The following SOD2 variants were observed in gnomAD, a reference collection of about 807,000 sequenced individuals.
The protein encoded by SOD2 is superoxide dismutase 2, also known as superoxide dismutase [Mn], mitochondrial.
SOD2 carries 11 observed loss-of-function variants against 27.0 expected under a neutral mutation model. That is an observed-to-expected ratio of 0.41 (90% CI 0.26 to 0.67). SOD2 has a LOEUF of 0.67. SOD2 is among the 30% of genes least tolerant of loss of function. The probability of loss-of-function intolerance (pLI) is 0.34; values close to 1 mark genes in which losing one functional copy is unlikely to be tolerated. For synonymous variants in SOD2, 105 were observed against 103.0 expected, an observed-to-expected ratio of 1.02 and a Z score of -0.12; for missense variants, 250 against 274.5, an observed-to-expected ratio of 0.91 and a Z score of 0.63.
intron 4 of SOD2, among the ~76,000 whole-genome samples, chr6:159,684,357 C>G (rs1780088641): frequency 6.6e-6 from 1 of 152,090 alleles, no homozygotes; most frequent in South Asian, 2.1e-4. Context: ...GTGGCTCATG[C>G]CTGTAATCCC....
At chr6:159,712,792 G>T (rs1777852789) in intron 1 of SOD2, 4 of 528,664 alleles carry the variant, frequency 7.6e-6, no homozygotes, top group Non-Finnish European at 1.1e-5. Flanking sequence ...TAACTAGACT[G>T]GTTGGGTAAG....
upstream of SOD2, chr6:159,727,374 T>TGGAGGCGGGA: frequency 9.7e-7 from 1 of 1,032,512 alleles, no homozygotes; most frequent in South Asian, 1.6e-5. Context: ...GCGGGGAGGC[T>TGGAGGCGGGA]GGCGGGAGGC....
chr6:159,738,766 C>T (rs759730762), intron 1 of SOD2, among the ~76,000 whole-genome samples: 1 of 151,780 alleles, frequency 6.6e-6, no homozygotes, highest in African/African-American at 2.4e-5. Flanking sequence ...GTGGTGATAC[C>T]TGGGGTTTTA....
intron 1 of SOD2, among the ~76,000 whole-genome samples, chr6:159,723,190 C>T (rs1202577102): frequency 1.3e-5 from 2 of 152,206 alleles, no homozygotes; most frequent in Non-Finnish European, 2.9e-5. Flanking sequence ...TTGCTTTTCT[C>T]ATTTGGTTTG....
intron 1 of SOD2, chr6:159,755,776 T>A: frequency 2.9e-6 from 3 of 1,028,844 alleles, no homozygotes; most frequent in Non-Finnish European, 3.7e-6. Flanking sequence ...TTTTTTTTTT[T>A]TTTTTTTTTT....
At chr6:159,745,703 A>G (rs770803075), upstream of SOD2, among the ~76,000 whole-genome samples, 2 of 152,196 alleles carry the variant, frequency 1.3e-5, no homozygotes, top group East Asian at 3.9e-4. Flanking sequence ...GTGATGGATC[A>G]GATTTAGATT....
chr6:159,678,161 G>A lies in SOD2; in HGVS notation c.*4332C>T, dbSNP rs115011351. The A allele has an allele frequency of 8.2e-3, 1,245 of 152,330 alleles. 18 individuals carry two copies. The highest frequency in any genetic ancestry group is 0.028 in the African/African-American group (1,178 of 41,554). 9.4% of individuals were successfully genotyped at this position (152,330 alleles called of 1,614,324 possible). ...CTGATGACGTGGAGAGAGCATGAAAGCTCCATACCCCTTCCCACATGCCTT... is the reference window on the plus strand; with the variant it reads ...CTGATGACGTGGAGAGAGCATGAAAACTCCATACCCCTTCCCACATGCCTT... On this transcript the variant is annotated 3_prime_UTR_variant, in exon 5 of 5. Coordinates refer to ENST00000538183, the MANE Select transcript of SOD2 (RefSeq NM_000636.4).
chr6:159,692,964 C>T (rs952735973), intron 1 of SOD2, 101 bp from the exon 2 acceptor site: 17 of 1,356,552 alleles, frequency 1.3e-5, no homozygotes, highest in Non-Finnish European at 1.6e-5. Flanking sequence ...CCCGAGTCCC[C>T]GCGTCCCCTC....
rs2114794197 is a variant in SOD2, at chr6:159,692,826, C to T, written c.61G>A (p.Gly21Ser). ...RQLAPVLGYL[G>S]SRQKHSLPDL... ...GGGAGGCTGTGCTTCTGCCTGGAGC[C>T]CAGATACCCCAAAACCGGAGCCAGC... Residue 21 changes from glycine to serine, a missense_variant, in exon 2 of 5, where the codon GGC becomes AGC. By Grantham distance (56) the Gly-to-Ser change is moderately conservative (BLOSUM62 0). Transcript: ENST00000538183. 1 of 1,613,428 alleles carries T rather than the reference C, an allele frequency of 6.2e-7. No homozygotes were observed. Among genetic ancestry groups the T allele is most frequent in the Middle Eastern group, 1.7e-4 (1 of 6,058 alleles).
rs1780052844 is a variant in SOD2 at position 159,758,200 on chromosome 6, TTTTG to T, written c.-336+2833_-336+2836del. The stretch of plus-strand genomic sequence containing the variant: ...TGTATCCTCGAGGCTCGATATTTTG[TTTTG>T]TTTTTCTCCCCTGTAAGAGCACTCA... On this transcript the variant is annotated intron_variant, in intron 1 of 7. Transcript: ENST00000546087. Among the ~76,000 whole-genome samples the T allele has an allele frequency of 2.6e-5, 4 of 152,116 alleles. No homozygotes were observed. The South Asian group carries it at 6.2e-4, about 24-fold the overall frequency.
At chr6:159,690,284 C>CAAAA (rs11429489) in intron 2 of SOD2, among the ~76,000 whole-genome samples, 2 of 67,018 alleles carry the variant, frequency 3.0e-5, no homozygotes, top group Non-Finnish European at 5.6e-5. Context: ...GAGATTCCGT[C>CAAAA]AAAAAAAAAA....
In SOD2 at chr6:159,738,032, CTG is replaced by C. The variant is rs544079768; in HGVS notation, c.-116+7096_-116+7097del. On this transcript the variant is annotated intron_variant, in intron 1 of 3. Coordinates refer to the SOD2 transcript ENST00000537657. ...CGTGACTAGCAGACATCTCTAATAA[CTG>C]TGAAAATCAGGGAATTGACATTGGT... Among the ~76,000 whole-genome samples, 29 of 152,332 alleles carry C rather than the reference CTG, an allele frequency of 1.9e-4. 2 individuals are homozygous for C. The highest frequency in any genetic ancestry group is 1.0e-4 in the Non-Finnish European group (7 of 68,036).
chr6:159,721,687 T>C (rs1392809031), intron 1 of SOD2, among the ~76,000 whole-genome samples: 1 of 145,274 alleles, frequency 6.9e-6, no homozygotes, highest in East Asian at 2.0e-4. Flanking sequence ...TTTTTTTTTT[T>C]TTTTTTTTTT....
intron 1 of SOD2, among the ~76,000 whole-genome samples, chr6:159,719,569 T>C (rs1286008482): frequency 7.0e-6 from 1 of 142,568 alleles, no homozygotes; most frequent in African/African-American, 2.7e-5. Context: ...GAGTCTGCAG[T>C]GAGCCAAGAT....
At chr6:159,695,523 T>A (rs1326766365), upstream of SOD2, among the ~76,000 whole-genome samples, 1 of 152,122 alleles carries the variant, frequency 6.6e-6, no homozygotes, top group African/African-American at 2.4e-5. Flanking sequence ...CTCCGTTTTC[T>A]TTTTCTTTTT....
intron 1 of SOD2, among the ~76,000 whole-genome samples, chr6:159,709,301 A>G (rs1160785760): frequency 6.6e-6 from 1 of 152,198 alleles, no homozygotes; most frequent in African/African-American, 2.4e-5. Context: ...CTGCACAGCA[A>G]AAAAAACTAC....
intron 1 of SOD2, among the ~76,000 whole-genome samples, chr6:159,702,654 CAAAAAAAAAAAAAAAAA>C (rs750073120): frequency 5.0e-5 from 2 of 39,834 alleles, no homozygotes; most frequent in Admixed American, 3.4e-4. Flanking sequence ...TCTATCTCTC[CAAAAAAAAAAAAAAAAA>C]AAAAAAAAGA....
intron 1 of SOD2, among the ~76,000 whole-genome samples, chr6:159,738,768 G>C (rs1441353082): frequency 6.6e-6 from 1 of 151,926 alleles, no homozygotes; most frequent in Admixed American, 6.6e-5. Flanking sequence ...GGTGATACCT[G>C]GGGTTTTAAT....
At chr6:159,755,364 A>G (rs182878946) in intron 1 of SOD2, 2 of 1,614,234 alleles carry the variant, frequency 1.2e-6, no homozygotes, top group Admixed American at 1.7e-5. Context: ...AAGTCCTCCA[A>G]CAGCTCAGAG....
Sources: allele counts gnomAD v4.1 joint callset (sites outside exome capture counted in the v4.1 genomes callset), GRCh38; gene constraint gnomAD v4.1.1; transcripts MANE v1.5; gene names NCBI Gene and HGNC (gene_info 2026-07-23, HGNC 2026-07-21).